The following NPAS3 variants were observed in gnomAD, a reference collection of about 807,000 sequenced individuals.
NPAS3 encodes the protein neuronal PAS domain-containing protein 3.
Under a neutral mutation model 73.1 loss-of-function variants are expected in NPAS3, and 14 were observed. The ratio of observed to expected loss-of-function variants is 0.19; its 90% CI spans 0.13 to 0.30. The LOEUF is 0.30. Ranked by LOEUF, NPAS3 falls within the 10% of genes least tolerant of loss-of-function variation. NPAS3 has a pLI of 1.00. For synonymous variants in NPAS3, 620 were observed against 541.5 expected, an observed-to-expected ratio of 1.14 and a Z score of -2.01; for missense variants, 1,096 against 1,250.0, an observed-to-expected ratio of 0.88 and a Z score of 1.86.
chr14:33,168,855 TA>T (rs919538517), intron 2 of NPAS3, among the ~76,000 whole-genome samples: 3 of 152,176 alleles, frequency 2.0e-5, no homozygotes, highest in Non-Finnish European at 4.4e-5. Flanking sequence ...TCTAAGAAAG[TA>T]AAAAATGAGT....
intron 5 of NPAS3, among the ~76,000 whole-genome samples, chr14:33,603,991 T>TA (rs1824208590): frequency 6.6e-6 from 1 of 151,708 alleles, no homozygotes; most frequent in Non-Finnish European, 1.5e-5. Context: ...TAAAGATTTA[T>TA]AATATGAGCC....
At chr14:33,308,802 A>T (rs1490383730) in intron 3 of NPAS3, among the ~76,000 whole-genome samples, 1 of 152,044 alleles carries the variant, frequency 6.6e-6, no homozygotes, top group Non-Finnish European at 1.5e-5. Flanking sequence ...AAGCCTTTTT[A>T]AAAAAATTTT....
At chr14:33,334,919 G>A (rs2044148364) in intron 3 of NPAS3, among the ~76,000 whole-genome samples, 1 of 152,226 alleles carries the variant, frequency 6.6e-6, no homozygotes, top group East Asian at 1.9e-4. Context: ...AATATGTGAT[G>A]TTTGGTTTTC....
intron 6 of NPAS3, among the ~76,000 whole-genome samples, chr14:33,714,204 A>G (rs1193410540): frequency 6.6e-6 from 1 of 152,052 alleles, no homozygotes; most frequent in Non-Finnish European, 1.5e-5. Context: ...TTTCATATTT[A>G]ATCCTCTGTC....
chr14:33,730,049 A>G (rs138735134), intron 6 of NPAS3, among the ~76,000 whole-genome samples: 1 of 152,282 alleles, frequency 6.6e-6, no homozygotes, highest in African/African-American at 2.4e-5. Flanking sequence ...ACATATATAA[A>G]TAGACATATA....
intron 1 of NPAS3, among the ~76,000 whole-genome samples, chr14:32,979,966 T>G (rs1256831803): frequency 6.6e-6 from 1 of 152,154 alleles, no homozygotes; most frequent in Non-Finnish European, 1.5e-5. Context: ...GTCAAAAACT[T>G]TTGTTGCGAA....
intron 4 of NPAS3, among the ~76,000 whole-genome samples, chr14:33,438,038 G>A (rs2049065621): frequency 6.6e-6 from 1 of 152,220 alleles, no homozygotes; most frequent in Non-Finnish European, 1.5e-5. Flanking sequence ...GCATTGAAGT[G>A]CTGAAAATAC....
intron 2 of NPAS3, among the ~76,000 whole-genome samples, chr14:33,209,128 C>A (rs2139641276): frequency 6.6e-6 from 1 of 152,278 alleles, no homozygotes; most frequent in South Asian, 2.1e-4. Context: ...AAGAAGATTT[C>A]TGAAATTATT....
At chr14:33,038,478 A>C (rs1317961405) in intron 1 of NPAS3, among the ~76,000 whole-genome samples, 1 of 152,214 alleles carries the variant, frequency 6.6e-6, no homozygotes, top group African/African-American at 2.4e-5. Context: ...AGTGTTTCAG[A>C]AATAATGTTA....
chr14:33,077,551 TA>T (rs11346616), intron 2 of NPAS3, among the ~76,000 whole-genome samples: 33,914 of 151,992 alleles, frequency 0.22, 3,946 homozygotes, highest in South Asian at 0.34. Context: ...CAAGCTTCCA[TA>T]AATACTCCAA....
intron 5 of NPAS3, among the ~76,000 whole-genome samples, chr14:33,628,886 G>A (rs1214885728): frequency 6.6e-6 from 1 of 152,136 alleles, no homozygotes; most frequent in Non-Finnish European, 1.5e-5. Flanking sequence ...TTCACTTTTG[G>A]GAAATCAATA....
At chr14:33,783,439 G>A (rs1438759725) in intron 9 of NPAS3, among the ~76,000 whole-genome samples, 1 of 152,152 alleles carries the variant, frequency 6.6e-6, no homozygotes, top group Non-Finnish European at 1.5e-5. Flanking sequence ...GGAAATGCAT[G>A]TAATAGCTAC....
intron 2 of NPAS3, among the ~76,000 whole-genome samples, chr14:33,169,736 C>T (rs754967217): frequency 6.6e-6 from 1 of 152,120 alleles, no homozygotes; most frequent in South Asian, 2.1e-4. Flanking sequence ...AGAAAGGCTG[C>T]CAGGTTTTCA....
chr14:33,154,325 T>G (rs1193602310), intron 2 of NPAS3, among the ~76,000 whole-genome samples: 1 of 152,236 alleles, frequency 6.6e-6, no homozygotes, highest in East Asian at 1.9e-4. Flanking sequence ...TACCTTCCCT[T>G]AACTCACCTT....
chr14:33,100,718 C>A (rs981134354), intron 2 of NPAS3, among the ~76,000 whole-genome samples: 8 of 152,092 alleles, frequency 5.3e-5, no homozygotes, highest in Non-Finnish European at 2.9e-5. Flanking sequence ...ATATTGTCCC[C>A]TGATCTATGT....
At chr14:33,646,770 T>C (rs914299701) in intron 5 of NPAS3, among the ~76,000 whole-genome samples, 1 of 152,220 alleles carries the variant, frequency 6.6e-6, no homozygotes, top group Non-Finnish European at 1.5e-5. Context: ...GCAGTACTCA[T>C]TGCCACTTAA....
At chr14:33,084,603 C>G (rs979375562) in intron 2 of NPAS3, among the ~76,000 whole-genome samples, 8 of 152,140 alleles carry the variant, frequency 5.3e-5, no homozygotes, top group Non-Finnish European at 4.4e-5. Flanking sequence ...CCTTGACACT[C>G]TATCTTGAGT....
At chr14:33,656,144 TTG>T in intron 5 of NPAS3, among the ~76,000 whole-genome samples, 1 of 152,304 alleles carries the variant, frequency 6.6e-6, no homozygotes, top group Middle Eastern at 3.4e-3. Context: ...TTGAAAAGCA[TTG>T]TGTTTGAGGT....
chr14:33,426,097 A>G (rs1461004814), intron 4 of NPAS3, among the ~76,000 whole-genome samples: 1 of 152,212 alleles, frequency 6.6e-6, no homozygotes, highest in Non-Finnish European at 1.5e-5. Context: ...GTTTGCCACC[A>G]CTGACTGTAT....
Sources: allele counts gnomAD v4.1 joint callset (sites outside exome capture counted in the v4.1 genomes callset), GRCh38; gene constraint gnomAD v4.1.1; transcripts MANE v1.5; gene names NCBI Gene and HGNC (gene_info 2026-07-23, HGNC 2026-07-21).